The following LRBA variants were observed in gnomAD, a reference collection of about 807,000 sequenced individuals.
The protein encoded by LRBA is LPS responsive beige-like anchor protein, also known as lipopolysaccharide-responsive and beige-like anchor protein.
A neutral mutation model predicts 330.0 loss-of-function variants in LRBA; 176 were observed. The observed-to-expected ratio is 0.53, with a 90% CI of 0.47 to 0.60. The LOEUF (loss-of-function observed/expected upper bound fraction) is 0.60. Among genes scored for constraint, LRBA ranks in the 20% least tolerant of loss-of-function variants. The probability of loss-of-function intolerance (pLI) is 0.00; values close to 1 mark genes in which losing one functional copy is unlikely to be tolerated. For synonymous variants in LRBA, 1,230 were observed against 1,193.0 expected (o/e 1.03, Z -0.64); for missense variants, 3,259 against 3,444.8 (o/e 0.95, Z 1.35).
intron 47 of LRBA, among the ~76,000 whole-genome samples, chr4:150,392,091 T>TTATTATTC (rs1744054222): frequency 6.6e-6 from 1 of 152,096 alleles, no homozygotes; most frequent in African/African-American, 2.4e-5. Context: ...CTTCATCACT[T>TTATTATTC]TATTATTCAC....
At chr4:150,355,950 TAC>T (rs984068920) in intron 47 of LRBA, among the ~76,000 whole-genome samples, 4 of 152,086 alleles carry the variant, frequency 2.6e-5, no homozygotes, top group Admixed American at 2.0e-4. Flanking sequence ...CAAACACATA[TAC>T]ACACAGAGAT....
At chr4:150,727,401 AG>A (rs760107739) in intron 36 of LRBA, among the ~76,000 whole-genome samples, 8 of 152,090 alleles carry the variant, frequency 5.3e-5, no homozygotes, top group Non-Finnish European at 1.0e-4. Context: ...TGCATCCAGT[AG>A]CTACAGAATA....
intron 2 of LRBA, among the ~76,000 whole-genome samples, chr4:150,990,795 G>A (rs187486888): frequency 1.5e-4 from 23 of 152,148 alleles, no homozygotes; most frequent in African/African-American, 4.8e-4. Context: ...CGAGGTGGGC[G>A]GATCACTTGA....
At chr4:150,898,123 A>C (rs1730312545) in intron 14 of LRBA, among the ~76,000 whole-genome samples, 1 of 152,134 alleles carries the variant, frequency 6.6e-6, no homozygotes, top group African/African-American at 2.4e-5. Context: ...TGTATTCAAT[A>C]ATAATATACG....
intron 4 of LRBA, 75 bp downstream of exon 4, chr4:150,928,439 TCA>T: frequency 1.2e-6 from 1 of 810,938 alleles, no homozygotes; most frequent in Non-Finnish European, 2.0e-6. Flanking sequence ...TATAATAATA[TCA>T]GTTACTTTAC....
chr4:150,903,332 C>T (rs1279781082), intron 13 of LRBA, among the ~76,000 whole-genome samples: 1 of 152,004 alleles, frequency 6.6e-6, no homozygotes, highest in East Asian at 1.9e-4. Context: ...TCGCACTGAG[C>T]CATGGCCATG....
chr4:150,649,967 G>A, intron 37 of LRBA, among the ~76,000 whole-genome samples: 1 of 152,050 alleles, frequency 6.6e-6, no homozygotes, highest in Admixed American at 6.6e-5. Context: ...TAGATAAGAG[G>A]TTGCGTTCAA....
At chr4:150,841,116 C>G (rs1478546488) in intron 28 of LRBA, 1 of 288,164 alleles carries the variant, frequency 3.5e-6, no homozygotes, top group South Asian at 3.8e-5. Flanking sequence ...TCTAGACATA[C>G]CCATGTTCTT....
intron 37 of LRBA, among the ~76,000 whole-genome samples, chr4:150,676,363 CT>C (rs1478656343): frequency 4.6e-5 from 7 of 152,210 alleles, no homozygotes; most frequent in South Asian, 2.1e-4. Context: ...TCTATTTCCC[CT>C]ATTAGAGAAA....
At chr4:150,411,807 A>G (rs1581234608) in intron 47 of LRBA, among the ~76,000 whole-genome samples, 1 of 152,210 alleles carries the variant, frequency 6.6e-6, no homozygotes, top group East Asian at 1.9e-4. Flanking sequence ...TTAGCACCAC[A>G]AAAAGGTCAC....
At chr4:150,480,565 T>C (rs573260398) in intron 42 of LRBA, among the ~76,000 whole-genome samples, 47 of 152,248 alleles carry the variant, frequency 3.1e-4, no homozygotes, top group Non-Finnish European at 5.3e-4. Context: ...ACTAAAATGA[T>C]TGTAATAAAC....
chr4:150,933,115 T>C lies in LRBA; in HGVS notation c.217-4050A>G, dbSNP rs376640032. ...GATAAAGGTTAATGACAGCCTGGCA[T>C]GATGGATCACTCCTGTAATCCCAGC... is the stretch of plus-strand genomic sequence containing the variant. On this transcript the variant is annotated intron_variant, in intron 2 of 56. Transcript: ENST00000651943. Among the ~76,000 whole-genome samples, 26 of 152,196 alleles carry C rather than the reference T, an allele frequency of 1.7e-4. No individual in the cohort carries two copies. In the South Asian group the frequency reaches 2.9e-3, roughly 17 times the overall value.
rs149343700 is a variant in LRBA at position 150,683,638 on chromosome 4, C to T, written c.5834G>A (p.Arg1945His). ...CDHLIRAAKY[R>H]DHVTATQLIQ... is the part of the protein sequence containing the mutation. ...TAGTTGAGTTGCTGTCACGTGGTCA[C>T]GATATTTTGCTGCTCTTATCAAATG... The change falls in exon 37 of 57, where the codon CGT becomes CAT. Residue 1945 changes from arginine (R) to histidine (H), a missense_variant. Physicochemically the swap from Arg to His is conservative, Grantham distance 29. Transcript: ENST00000651943. 9.9e-6 allele frequency: 16 copies of T among 1,613,216 alleles called. No individual in the cohort carries two copies. The highest frequency in any genetic ancestry group is 3.3e-5 in the Admixed American group (2 of 59,986).
intron 47 of LRBA, among the ~76,000 whole-genome samples, chr4:150,381,708 A>G (rs535621808): frequency 8.0e-6 from 1 of 125,762 alleles, no homozygotes; most frequent in Non-Finnish European, 1.9e-5. Context: ...TCTTGGATAT[A>G]CATATAACCA....
chr4:150,501,555 T>G (rs1023834083), intron 40 of LRBA, among the ~76,000 whole-genome samples: 2 of 151,622 alleles, frequency 1.3e-5, no homozygotes, highest in Middle Eastern at 3.2e-3. Context: ...GAAGGTGTAG[T>G]GAGCCAAGGT....
intron 36 of LRBA, among the ~76,000 whole-genome samples, chr4:150,720,472 A>C (rs959559005): frequency 2.6e-5 from 4 of 152,212 alleles, no homozygotes; most frequent in Non-Finnish European, 4.4e-5. Context: ...AGCTTTATAG[A>C]CATAATAAAT....
intron 37 of LRBA, among the ~76,000 whole-genome samples, chr4:150,671,049 A>T (rs905596939): frequency 0.01 from 1,098 of 106,854 alleles, 5 homozygotes; most frequent in Non-Finnish European, 0.015. Flanking sequence ...TGTGAGAGAG[A>T]GAGAGAGAGA....
intron 22 of LRBA, among the ~76,000 whole-genome samples, chr4:150,863,483 G>A (rs113317379): frequency 0.06 from 9,119 of 152,104 alleles, 837 homozygotes; most frequent in African/African-American, 0.2. Flanking sequence ...CCAATATGGC[G>A]AAACACCGTC....
At chr4:150,775,806 A>AAG (rs1491441199) in intron 34 of LRBA, among the ~76,000 whole-genome samples, 1 of 7,930 alleles carries the variant, frequency 1.3e-4, no homozygotes, top group Admixed American at 1.9e-3. Flanking sequence ...AGAAAGAATG[A>AAG]AAAAAAAAAA....
Sources: allele counts gnomAD v4.1 joint callset (sites outside exome capture counted in the v4.1 genomes callset), GRCh38; gene constraint gnomAD v4.1.1; transcripts MANE v1.5; gene names NCBI Gene and HGNC (gene_info 2026-07-23, HGNC 2026-07-21).